THSD4: variants seen among roughly 807,000 people sequenced by gnomAD.
The protein encoded by THSD4 is thrombospondin type 1 domain containing 4, also known as thrombospondin type-1 domain-containing protein 4.
Under a neutral mutation model 119.0 loss-of-function variants are expected in THSD4, and 69 were observed. The ratio of observed to expected loss-of-function variants is 0.58; its 90% CI spans 0.48 to 0.71. THSD4 has a LOEUF of 0.71. Among genes scored for constraint, THSD4 ranks in the 30% least tolerant of loss-of-function variants. The pLI is 0.00. For missense variants in THSD4, 1,393 were observed against 1,391.1 expected, an observed-to-expected ratio of 1.00 and a Z score of -0.02; for synonymous variants, 524 against 540.4, an observed-to-expected ratio of 0.97 and a Z score of 0.42.
intron 8 of THSD4, among the ~76,000 whole-genome samples, chr15:71,727,554 ATATATATATAT>A (rs1314309774): frequency 8.2e-6 from 1 of 121,718 alleles, no homozygotes; most frequent in African/African-American, 4.0e-5. Flanking sequence ...AAAAAAAAAA[ATATATATATAT>A]ATATATATAT....
intron 8 of THSD4, among the ~76,000 whole-genome samples, chr15:71,698,036 C>T (rs2052202319): frequency 1.3e-5 from 2 of 152,186 alleles, no homozygotes; most frequent in African/African-American, 4.8e-5. Context: ...GGGCCTCCCC[C>T]TCATCAGCTC....
chr15:71,433,294 G>A (rs1240537236), intron 7 of THSD4, among the ~76,000 whole-genome samples: 1 of 150,744 alleles, frequency 6.6e-6, no homozygotes, highest in Non-Finnish European at 1.5e-5. Context: ...AACATAACAT[G>A]ACTTTAAGAT....
intron 7 of THSD4, among the ~76,000 whole-genome samples, chr15:71,495,978 C>G (rs1436721705): frequency 1.3e-5 from 2 of 152,192 alleles, no homozygotes. Context: ...AGTCACAGTT[C>G]ATGCCAATCT....
At chr15:71,470,931 G>A (rs575517608) in intron 7 of THSD4, among the ~76,000 whole-genome samples, 408 of 152,226 alleles carry the variant, frequency 2.7e-3, no homozygotes, top group Non-Finnish European at 4.0e-3. Context: ...CACCGCGCCC[G>A]GCCTGAGTGA....
intron 7 of THSD4, among the ~76,000 whole-genome samples, chr15:71,569,567 T>C (rs1465487813): frequency 1.3e-5 from 2 of 152,106 alleles, no homozygotes; most frequent in Admixed American, 1.3e-4. Flanking sequence ...GTAGAAAAAA[T>C]AGGACATGAG....
At chr15:71,386,352 G>C (rs1325163449) in intron 6 of THSD4, among the ~76,000 whole-genome samples, 1 of 152,122 alleles carries the variant, frequency 6.6e-6, no homozygotes, top group Admixed American at 6.5e-5. Flanking sequence ...TTCAGCCAAG[G>C]GTTCCAGGAC....
rs1293692303 is a variant in THSD4 at position 71,250,919 on chromosome 15, GA to G, written c.913-5687del. 2.6e-5 allele frequency among the ~76,000 whole-genome samples: 4 copies of G among 151,684 alleles called. No individual in the cohort carries two copies. In the South Asian group the frequency reaches 8.3e-4, roughly 32 times the overall value. On this transcript the variant is annotated intron_variant, in intron 5 of 17. Transcript: ENST00000261862. Reference sequence around the variant, plus strand: ...GAGAACATTATGAACTTCCTTGGATGAAAAAAATAAAAAAAGCATTTGAGAA... The same window carrying G: ...GAGAACATTATGAACTTCCTTGGATGAAAAAATAAAAAAAGCATTTGAGAA...
intron 3 of THSD4, among the ~76,000 whole-genome samples, chr15:71,200,425 T>C (rs1172484503): frequency 6.6e-6 from 1 of 152,118 alleles, no homozygotes; most frequent in African/African-American, 2.4e-5. Context: ...GATGGTATTA[T>C]GGCCGAGGAC....
intron 8 of THSD4, among the ~76,000 whole-genome samples, chr15:71,688,739 G>GTGTGTGTC (rs67812310): frequency 1.3e-5 from 2 of 149,402 alleles, no homozygotes; most frequent in African/African-American, 4.9e-5. Flanking sequence ...GTGTGTGTGT[G>GTGTGTGTC]TGTCTGTGAC....
Position 71,215,410 on chromosome 15 carries a change from G to A in THSD4, c.464+11G>A, listed in dbSNP as rs2043924452. Reference sequence around the variant, plus strand: ...CACTGGGGACAGAAGGTACACGCCCGCCCTTGTCTGTGCCGCTCCCCGTCC... The same window carrying A: ...CACTGGGGACAGAAGGTACACGCCCACCCTTGTCTGTGCCGCTCCCCGTCC... On this transcript the variant is annotated intron_variant, in intron 4 of 17. Coordinates refer to ENST00000261862, the MANE Select transcript of THSD4 (RefSeq NM_024817.3). 2 of 1,515,770 alleles carry A rather than the reference G, an allele frequency of 1.3e-6. No individual in the cohort carries two copies. Among genetic ancestry groups the A allele is most frequent in the East Asian group, 5.2e-5 (2 of 38,526 alleles). 93.9% of individuals were successfully genotyped at this position (1,515,770 alleles called of 1,614,324 possible).
intron 6 of THSD4, among the ~76,000 whole-genome samples, chr15:71,332,234 G>A (rs1422298370): frequency 6.6e-6 from 1 of 152,224 alleles, no homozygotes; most frequent in Non-Finnish European, 1.5e-5. Context: ...CTACAGTGAT[G>A]GATTTCAGAG....
chr15:71,202,475 G>A (rs2043811996), intron 3 of THSD4, among the ~76,000 whole-genome samples: 1 of 152,106 alleles, frequency 6.6e-6, no homozygotes, highest in South Asian at 2.1e-4. Context: ...ACACACACAC[G>A]TACACAGATG....
At chr15:71,537,723 C>A (rs925130434) in intron 7 of THSD4, among the ~76,000 whole-genome samples, 1 of 151,882 alleles carries the variant, frequency 6.6e-6, no homozygotes, top group African/African-American at 2.4e-5. Flanking sequence ...GAAATACATT[C>A]TCTACTGTGT....
intron 7 of THSD4, among the ~76,000 whole-genome samples, chr15:71,537,857 G>A (rs2048707274): frequency 6.6e-6 from 1 of 151,886 alleles, no homozygotes; most frequent in South Asian, 2.1e-4. Context: ...CTGCCTCCTA[G>A]GTTGAAGTGA....
intron 6 of THSD4, among the ~76,000 whole-genome samples, chr15:71,260,801 T>G (rs1351548433): frequency 2.0e-5 from 3 of 152,068 alleles, no homozygotes; most frequent in Non-Finnish European, 4.4e-5. Flanking sequence ...CCAAAAAGAT[T>G]TATTAAAGGT....
chr15:71,692,430 A>G (rs2052074154), intron 8 of THSD4, among the ~76,000 whole-genome samples: 1 of 152,162 alleles, frequency 6.6e-6, no homozygotes, highest in Admixed American at 6.5e-5. Flanking sequence ...GGCAGGACAT[A>G]TATTCTTCCA....
chr15:71,261,185 T>C lies in THSD4; in HGVS notation c.1015+4470T>C, dbSNP rs542056527. Among the ~76,000 whole-genome samples the C allele has an allele frequency of 3.6e-4, 55 of 152,152 alleles. 1 individual carries two copies. Among genetic ancestry groups the C allele is most frequent in the Admixed American group, 1.0e-3 (16 of 15,284 alleles). On this transcript the variant is annotated intron_variant, in intron 6 of 17. Coordinates refer to ENST00000261862, the MANE Select transcript of THSD4 (RefSeq NM_024817.3). ...GTAGAGTAGAATAGGCCCTAATCCA[T>C]TGTGACTGGGGACCCACACAGAGAG...
chr15:71,355,674 G>C (rs1446229692), intron 6 of THSD4, among the ~76,000 whole-genome samples: 3 of 152,100 alleles, frequency 2.0e-5, no homozygotes, highest in African/African-American at 7.2e-5. Flanking sequence ...CGGAGAACAT[G>C]TTCTTGAGCA....
At chr15:71,188,662 C>T (rs1199408803) in intron 3 of THSD4, among the ~76,000 whole-genome samples, 2 of 152,156 alleles carry the variant, frequency 1.3e-5, no homozygotes, top group Non-Finnish European at 2.9e-5. Context: ...TAAAAATTTT[C>T]ACCCATGACA....
Sources: gnomAD v4.1 joint callset for allele counts (sites outside exome capture counted in the v4.1 genomes callset) on GRCh38, gnomAD v4.1.1 for gene constraint, MANE v1.5 for transcripts, NCBI Gene and HGNC (gene_info 2026-07-23, HGNC 2026-07-21) for gene names.